PNKD: variants seen among roughly 807,000 people sequenced by gnomAD.
PNKD encodes the protein PNKD metallo-beta-lactamase domain containing.
Under a neutral mutation model 45.3 loss-of-function variants are expected in PNKD, and 36 were observed. The observed-to-expected ratio is 0.80, with a 90% CI of 0.61 to 1.05. The LOEUF (loss-of-function observed/expected upper bound fraction) is 1.05, where lower values mean the gene tolerates loss of function less well. Among genes scored for constraint, PNKD ranks in the 50% least tolerant of loss-of-function variants. The pLI, the probability that PNKD is intolerant of heterozygous loss-of-function variation, is 0.00. For missense variants in PNKD, 511 were observed against 506.6 expected (o/e 1.01, Z -0.08); for synonymous variants, 197 against 210.1 (o/e 0.94, Z 0.54).
chr2:218,271,872 A>G (rs1182799803), intron 2 of PNKD, among the ~76,000 whole-genome samples: 1 of 152,170 alleles, frequency 6.6e-6, no homozygotes, highest in African/African-American at 2.4e-5. Context: ...AGCTTGTACT[A>G]GTTGTATAGT....
At chr2:218,314,709 T>C (rs1267300206) in intron 2 of PNKD, among the ~76,000 whole-genome samples, 1 of 151,886 alleles carries the variant, frequency 6.6e-6, no homozygotes, top group Non-Finnish European at 1.5e-5. Context: ...TTTTTCTTTT[T>C]GAGAGAGTCT....
intron 2 of PNKD, among the ~76,000 whole-genome samples, chr2:218,337,691 G>A (rs371334837): frequency 1.4e-4 from 21 of 152,150 alleles, no homozygotes; most frequent in African/African-American, 4.3e-4. Flanking sequence ...ACTCCCATGC[G>A]TTGTGTGTCC....
intron 2 of PNKD, chr2:218,281,809 A>G (rs914795760): frequency 7.5e-6 from 6 of 794,832 alleles, no homozygotes; most frequent in African/African-American, 1.8e-5. Flanking sequence ...ACAGAGGGAG[A>G]GATCTCAACA....
chr2:218,298,095 A>AG (rs796878973), intron 2 of PNKD, among the ~76,000 whole-genome samples: 2 of 152,090 alleles, frequency 1.3e-5, no homozygotes, highest in African/African-American at 4.8e-5. Flanking sequence ...GGTGAAAGGC[A>AG]GTGAGAAAGG....
chr2:218,270,565 GA>G lies in PNKD; in HGVS notation c.32del (p.Lys11ArgfsTer62). 8.2e-7 allele frequency: 1 copy of G among 1,217,434 alleles called. No individual in the cohort carries two copies. The highest frequency in any genetic ancestry group is 1.1e-6 in the Non-Finnish European group (1 of 942,828). 75.4% of individuals were successfully genotyped at this position (1,217,434 alleles called of 1,614,324 possible). A position where few individuals can be genotyped will look rare whatever the true frequency, so the allele number is the denominator to read the frequency against. Reference sequence around the variant, plus strand: ...CGGCGGTGGTAGCTGCTACGGCGCTGAAGGGCCGGGGGGCGAGAAATGCCCG... The same window carrying G: ...CGGCGGTGGTAGCTGCTACGGCGCTGAGGGCCGGGGGGCGAGAAATGCCCG... The part of the protein sequence containing the change: MAAVVAATAL[K>X]GRGARNARVL... On this transcript the variant is annotated frameshift_variant, in exon 1 of 10. Coordinates refer to ENST00000273077, the MANE Select transcript of PNKD (RefSeq NM_015488.5). LOFTEE classifies it high-confidence loss of function.
chr2:218,295,627 G>A (rs1450224586), intron 2 of PNKD, among the ~76,000 whole-genome samples: 1 of 151,886 alleles, frequency 6.6e-6, no homozygotes, highest in East Asian at 1.9e-4. Context: ...GGTGGAGGGT[G>A]CAGTGGGGTA....
At chr2:218,278,538 G>A in intron 2 of PNKD, 2 of 1,614,156 alleles carry the variant, frequency 1.2e-6, no homozygotes, top group Non-Finnish European at 1.7e-6. Flanking sequence ...AGCAGGCAAG[G>A]ATCAGGTAGG....
chr2:218,313,206 G>A lies in PNKD; in HGVS notation c.237-26577G>A, dbSNP rs531505843. Among the ~76,000 whole-genome samples, 4 of 152,104 alleles carry A rather than the reference G, an allele frequency of 2.6e-5. No homozygotes were observed. The South Asian group carries it at 6.2e-4, about 24-fold the overall frequency. ...GCTCACTGCAGCCTCCATCTCCCAG[G>A]TTCAAGCAATCCTCCTGTCTCAGCC... On this transcript the variant is annotated intron_variant, in intron 2 of 9. Transcript: ENST00000273077.
intron 2 of PNKD, among the ~76,000 whole-genome samples, chr2:218,271,883 A>G (rs889452221): frequency 1.3e-5 from 2 of 152,318 alleles, no homozygotes; most frequent in African/African-American, 4.8e-5. Context: ...GTTGTATAGT[A>G]GTACTCAGAA....
intron 2 of PNKD, among the ~76,000 whole-genome samples, chr2:218,325,995 T>C (rs752057286): frequency 2.6e-5 from 4 of 151,492 alleles, no homozygotes; most frequent in Admixed American, 6.6e-5. Flanking sequence ...AAAGGAGATA[T>C]TTGCAGGAAA....
In PNKD at chr2:218,282,725, A is replaced by G. The variant is rs546540287; in HGVS notation, c.236+11176A>G. Among the ~76,000 whole-genome samples the G allele has an allele frequency of 1.1e-4, 17 of 152,314 alleles. No individual in the cohort carries two copies. In the East Asian group the frequency reaches 3.3e-3, roughly 29 times the overall value. On this transcript the variant is annotated intron_variant, in intron 2 of 9. Transcript: ENST00000273077. ...AAGTGGAGGAAAACAAGCTAGCCCC[A>G]GTGCCAGAGCTGCCAGGCCCCGAGG...
chr2:218,315,881 T>C (rs1361773307), intron 2 of PNKD, among the ~76,000 whole-genome samples: 1 of 152,236 alleles, frequency 6.6e-6, no homozygotes, highest in Non-Finnish European at 1.5e-5. Flanking sequence ...AAGAAGCCAG[T>C]TCAAAACTCA....
intron 2 of PNKD, among the ~76,000 whole-genome samples, chr2:218,283,216 C>A (rs1040169281): frequency 6.6e-6 from 1 of 152,188 alleles, no homozygotes; most frequent in African/African-American, 2.4e-5. Context: ...TGGAAGGGAC[C>A]TCAGGGCCAT....
chr2:218,327,808 A>G (rs1694196695), intron 2 of PNKD: 1 of 152,496 alleles, frequency 6.6e-6, no homozygotes, highest in Non-Finnish European at 1.5e-5. Flanking sequence ...GCTCACCTTC[A>G]AAGGTACCCA....
intron 2 of PNKD, among the ~76,000 whole-genome samples, chr2:218,288,302 G>A (rs530161869): frequency 1.3e-5 from 2 of 152,150 alleles, no homozygotes; most frequent in East Asian, 1.9e-4. Flanking sequence ...GGTGGCGGAC[G>A]CCTGTAGTCC....
chr2:218,275,344 G>A (rs1041909648), intron 2 of PNKD: 22 of 1,295,048 alleles, frequency 1.7e-5, no homozygotes, highest in Admixed American at 1.0e-4. Flanking sequence ...CTGTCTCCAG[G>A]ACAGAAAGGA....
chr2:218,323,206 G>A, intron 2 of PNKD: 1 of 1,393,676 alleles, frequency 7.2e-7, no homozygotes, highest in Admixed American at 3.4e-5. Context: ...GCGGGGGGCC[G>A]GGGCCGGGCC....
At chr2:218,321,405 A>G (rs1393111151) in intron 2 of PNKD, among the ~76,000 whole-genome samples, 1 of 152,074 alleles carries the variant, frequency 6.6e-6, no homozygotes, top group Non-Finnish European at 1.5e-5. Context: ...AGGCACTGAG[A>G]AGCAACCTAA....
At chr2:218,331,865 GT>G (rs1474474280) in intron 2 of PNKD, among the ~76,000 whole-genome samples, 2 of 152,236 alleles carry the variant, frequency 1.3e-5, no homozygotes, top group Non-Finnish European at 2.9e-5. Context: ...GTTGAAACCT[GT>G]TGCTCTAGAT....
Sources: gnomAD v4.1 joint callset for allele counts (sites outside exome capture counted in the v4.1 genomes callset) on GRCh38, gnomAD v4.1.1 for gene constraint, MANE v1.5 for transcripts, NCBI Gene and HGNC (gene_info 2026-07-23, HGNC 2026-07-21) for gene names.